The following DMD variants were observed in gnomAD, a reference collection of about 807,000 sequenced individuals.
DMD encodes the protein mutant dystrophin.
In DMD, 63 loss-of-function variants were observed where a neutral mutation model predicts 330.1. That is an observed-to-expected ratio of 0.19 (90% CI 0.16 to 0.24). The LOEUF (loss-of-function observed/expected upper bound fraction) is 0.24, where lower values mean the gene tolerates loss of function less well. Among genes scored for constraint, DMD ranks in the 10% least tolerant of loss-of-function variants. The pLI is 1.00. For missense variants in DMD, 3,344 were observed against 2,684.1 expected (o/e 1.25, Z -5.43); for synonymous variants, 1,223 against 959.8 (o/e 1.27, Z -5.07).
intron 43 of DMD, among the ~76,000 whole-genome samples, chrX:32,227,215 C>T (rs1255566649): frequency 2.3e-5 from 2 of 85,614 alleles, no homozygotes; most frequent in African/African-American, 8.7e-5. Flanking sequence ...TGAATGTATT[C>T]CATTGTGTAG....
chrX:32,575,821 G>A (rs2052981340), intron 13 of DMD, among the ~76,000 whole-genome samples: 1 of 111,824 alleles, frequency 8.9e-6, no homozygotes, highest in Non-Finnish European at 1.9e-5. Flanking sequence ...CTCCAGTGAA[G>A]AAGACAGTCA....
At chrX:33,304,221 C>T (rs988506002) in intron 1 of DMD, among the ~76,000 whole-genome samples, 10 of 110,943 alleles carry the variant, frequency 9.0e-5, no homozygotes, top group Middle Eastern at 9.4e-3. Context: ...AACAGAGATA[C>T]AGATCAATGG....
intron 45 of DMD, among the ~76,000 whole-genome samples, chrX:31,951,127 A>G (rs866735999): frequency 1.2e-5 from 1 of 82,052 alleles, no homozygotes; most frequent in Admixed American, 1.3e-4. Flanking sequence ...ATATACATAT[A>G]TATATATATA....
At chrX:32,355,709 T>C (rs1033022085) in intron 37 of DMD, among the ~76,000 whole-genome samples, 1 of 111,541 alleles carries the variant, frequency 9.0e-6, no homozygotes, top group African/African-American at 3.2e-5. Context: ...ATTTTTCTGA[T>C]TCATTTTAGT....
intron 1 of DMD, among the ~76,000 whole-genome samples, chrX:33,155,694 C>T (rs73190230): frequency 2.8e-3 from 311 of 109,892 alleles, no homozygotes; most frequent in Middle Eastern, 0.019. Flanking sequence ...CATGGTGGCT[C>T]GTATCTGTAC....
chrX:31,762,926 T>G (rs1344720813), intron 51 of DMD, among the ~76,000 whole-genome samples: 1 of 112,798 alleles, frequency 8.9e-6, no homozygotes, highest in Non-Finnish European at 1.9e-5. Context: ...ACATGAATCA[T>G]ATTGCATTTA....
chrX:32,777,967 A>G (rs1450805660), intron 7 of DMD, among the ~76,000 whole-genome samples: 1 of 112,254 alleles, frequency 8.9e-6, no homozygotes, highest in African/African-American at 3.2e-5. Flanking sequence ...ATTTAACCAT[A>G]CAAGAAGCAA....
intron 23 of DMD, among the ~76,000 whole-genome samples, chrX:32,466,196 T>C (rs1360733234): frequency 9.0e-6 from 1 of 111,201 alleles, no homozygotes; most frequent in Admixed American, 9.6e-5. Flanking sequence ...CCAACCATAA[T>C]ATTTTATTAA....
At chrX:32,913,635 C>CCT (rs1351372150) in intron 2 of DMD, among the ~76,000 whole-genome samples, 1 of 111,613 alleles carries the variant, frequency 9.0e-6, no homozygotes, top group African/African-American at 3.3e-5. Flanking sequence ...TGTTGGTTTA[C>CCT]CTCTGGCTTG....
chrX:31,254,344 C>A (rs945514050), intron 63 of DMD, among the ~76,000 whole-genome samples: 1 of 111,056 alleles, frequency 9.0e-6, no homozygotes, highest in Non-Finnish European at 1.9e-5. Context: ...GAGACCCCCC[C>A]CCAATAAGAC....
intron 4 of DMD, among the ~76,000 whole-genome samples, chrX:32,842,302 C>T (rs925704895): frequency 8.9e-6 from 1 of 112,360 alleles, no homozygotes; most frequent in African/African-American, 3.2e-5. Context: ...CTCAGGCCCT[C>T]GCCAGAGATA....
intron 44 of DMD, among the ~76,000 whole-genome samples, chrX:32,172,616 C>T (rs896234226): frequency 1.8e-5 from 2 of 111,393 alleles, no homozygotes; most frequent in African/African-American, 6.5e-5. Context: ...CCACAGCACC[C>T]TCTTCATCCT....
At chrX:32,780,098 G>A (rs1030270239) in intron 7 of DMD, among the ~76,000 whole-genome samples, 3 of 111,600 alleles carry the variant, frequency 2.7e-5, no homozygotes, top group Non-Finnish European at 5.6e-5. Flanking sequence ...GATATGTAGT[G>A]TGTATTGCTT....
At chrX:31,535,690 TC>T (rs1254492809) in intron 55 of DMD, among the ~76,000 whole-genome samples, 1 of 111,529 alleles carries the variant, frequency 9.0e-6, no homozygotes, top group African/African-American at 3.3e-5. Flanking sequence ...AGCCACCTTT[TC>T]CCCCTCCAAT....
At chrX:32,252,763 A>AAT (rs1258670616) in intron 43 of DMD, among the ~76,000 whole-genome samples, 3 of 19,312 alleles carry the variant, frequency 1.6e-4, no homozygotes, top group African/African-American at 9.5e-4. Flanking sequence ...TAAATATATA[A>AAT]ATATATATAA....
At chrX:32,455,760 C>T (rs1371085802) in intron 25 of DMD, among the ~76,000 whole-genome samples, 1 of 111,246 alleles carries the variant, frequency 9.0e-6, no homozygotes. Context: ...ACAAATACAT[C>T]TTTACTGAAA....
intron 44 of DMD, among the ~76,000 whole-genome samples, chrX:32,110,895 A>G (rs2096586418): frequency 8.9e-6 from 1 of 111,938 alleles, no homozygotes; most frequent in East Asian, 2.8e-4. Flanking sequence ...ATGCTGAAAA[A>G]GAAAGTGAGC....
intron 4 of DMD, among the ~76,000 whole-genome samples, chrX:32,823,812 T>C (rs1011335806): frequency 2.7e-5 from 3 of 111,509 alleles, no homozygotes; most frequent in Non-Finnish European, 5.7e-5. Context: ...GAATGTTAGG[T>C]CTCTAATAAA....
chrX:32,409,415 A>G lies in DMD; in HGVS notation c.4233+2337T>C, dbSNP rs1438446598. 2.7e-5 allele frequency among the ~76,000 whole-genome samples: 3 copies of G among 111,531 alleles called. No homozygotes were observed. In the Admixed American group the frequency reaches 2.9e-4, roughly 11 times the overall value. ...TACTGATGTAGTTAATAACATTTTTATTGTAGTATTTTTTTAGAAAAACCA... is the reference window on the plus strand; with the variant it reads ...TACTGATGTAGTTAATAACATTTTTGTTGTAGTATTTTTTTAGAAAAACCA... On this transcript the variant is annotated intron_variant, in intron 30 of 78. Transcript: ENST00000357033.
Sources: allele counts gnomAD v4.1 joint callset (sites outside exome capture counted in the v4.1 genomes callset), GRCh38; gene constraint gnomAD v4.1.1; transcripts MANE v1.5; gene names NCBI Gene and HGNC (gene_info 2026-07-23, HGNC 2026-07-21).